Variants in BBS9 observed in about 807,000 individuals in gnomAD.
BBS9 encodes the protein protein PTHB1.
In BBS9, 89 loss-of-function variants were observed where a neutral mutation model predicts 117.7. The ratio of observed to expected loss-of-function variants is 0.76; its 90% CI spans 0.64 to 0.90. The LOEUF (loss-of-function observed/expected upper bound fraction) is 0.90, where lower values mean the gene tolerates loss of function less well. Ranked by LOEUF, BBS9 falls within the 40% of genes least tolerant of loss-of-function variation. The probability of loss-of-function intolerance (pLI) is 0.00; values close to 1 mark genes in which losing one functional copy is unlikely to be tolerated. For missense variants in BBS9, 982 were observed against 1,042.2 expected, an observed-to-expected ratio of 0.94 and a Z score of 0.80; for synonymous variants, 379 against 370.9, an observed-to-expected ratio of 1.02 and a Z score of -0.25.
chr7:33,434,660 C>A (rs1279521259), intron 19 of BBS9, among the ~76,000 whole-genome samples: 1 of 152,148 alleles, frequency 6.6e-6, no homozygotes, highest in Non-Finnish European at 1.5e-5. Context: ...TGTGTTTCAC[C>A]TGTGTTTTTA....
intron 5 of BBS9, among the ~76,000 whole-genome samples, chr7:33,190,256 T>A (rs930035075): frequency 6.6e-6 from 1 of 151,588 alleles, no homozygotes; most frequent in Non-Finnish European, 1.5e-5. Flanking sequence ...AGCAGCTGGG[T>A]CCACAGGCAC....
intron 21 of BBS9, among the ~76,000 whole-genome samples, chr7:33,615,403 T>G (rs1344218796): frequency 6.6e-6 from 1 of 151,940 alleles, no homozygotes; most frequent in African/African-American, 2.4e-5. Context: ...TGATGAAAAT[T>G]CTAAGAATTA....
intron 19 of BBS9, among the ~76,000 whole-genome samples, chr7:33,501,784 T>A (rs1020357511): frequency 6.6e-6 from 1 of 152,244 alleles, no homozygotes; most frequent in Non-Finnish European, 1.5e-5. Flanking sequence ...CAGAATACTC[T>A]GTGGCTCCCC....
chr7:33,341,629 A>G (rs1816583295), intron 11 of BBS9, among the ~76,000 whole-genome samples: 1 of 24,780 alleles, frequency 4.0e-5, no homozygotes, highest in African/African-American at 1.5e-4. Flanking sequence ...ACTTCTTTCT[A>G]CATTATAATA....
intron 20 of BBS9, among the ~76,000 whole-genome samples, chr7:33,527,589 C>A (rs1176670452): frequency 6.6e-6 from 1 of 152,230 alleles, no homozygotes; most frequent in African/African-American, 2.4e-5. Flanking sequence ...TGAGGCAATG[C>A]CTCGCCCTGC....
chr7:33,575,974 C>T (rs1055307420), intron 21 of BBS9, among the ~76,000 whole-genome samples: 4 of 152,150 alleles, frequency 2.6e-5, no homozygotes, highest in African/African-American at 9.7e-5. Flanking sequence ...AAACTGGAAG[C>T]ATACCCTTTG....
chr7:33,389,273 G>C (rs1826584223), intron 19 of BBS9, among the ~76,000 whole-genome samples: 1 of 152,010 alleles, frequency 6.6e-6, no homozygotes, highest in Non-Finnish European at 1.5e-5. Flanking sequence ...CTTCTCCCCT[G>C]CCCCACTCCA....
At chr7:33,528,069 C>G (rs1424605258) in intron 20 of BBS9, among the ~76,000 whole-genome samples, 1 of 152,150 alleles carries the variant, frequency 6.6e-6, no homozygotes, top group Non-Finnish European at 1.5e-5. Flanking sequence ...CAATATGATA[C>G]AAAGTAATAA....
chr7:33,413,802 AC>A (rs2128830333), intron 19 of BBS9, among the ~76,000 whole-genome samples: 1 of 152,196 alleles, frequency 6.6e-6, no homozygotes, highest in East Asian at 1.9e-4. Flanking sequence ...CAGGCAGATC[AC>A]CTGAGGTCAG....
intron 4 of BBS9, among the ~76,000 whole-genome samples, chr7:33,176,819 T>C (rs1797393601): frequency 6.6e-6 from 1 of 152,168 alleles, no homozygotes; most frequent in Admixed American, 6.6e-5. Flanking sequence ...ATAATGTTCT[T>C]GCTCTATATG....
chr7:33,385,480 A>G (rs1322828696), intron 18 of BBS9, among the ~76,000 whole-genome samples: 2 of 152,230 alleles, frequency 1.3e-5, no homozygotes, highest in African/African-American at 4.8e-5. Flanking sequence ...TTTAATTTCT[A>G]GTGCCTGGAC....
intron 2 of BBS9, 103 bp downstream of exon 2, chr7:33,146,467 C>T (rs765934279): frequency 1.1e-5 from 10 of 912,518 alleles, no homozygotes; most frequent in Admixed American, 7.1e-5. Flanking sequence ...TTTGGGAGGC[C>T]GACGTGGGCA....
At chr7:33,501,054 T>C (rs1845375827) in intron 19 of BBS9, among the ~76,000 whole-genome samples, 1 of 152,222 alleles carries the variant, frequency 6.6e-6, no homozygotes, top group Non-Finnish European at 1.5e-5. Context: ...TCTGTAGTTC[T>C]GTTGAACACT....
chr7:33,298,113 T>C (rs1188597168), intron 9 of BBS9, among the ~76,000 whole-genome samples: 1 of 152,158 alleles, frequency 6.6e-6, no homozygotes, highest in East Asian at 1.9e-4. Flanking sequence ...AGTAATGTCA[T>C]GGTTCAGGAA....
Position 33,499,782 on chromosome 7 carries a change from G to A in BBS9, c.2116-5681G>A, listed in dbSNP as rs562314777. Among the ~76,000 whole-genome samples, 33 of 152,214 alleles carry A rather than the reference G, an allele frequency of 2.2e-4. 1 individual carries two copies. The highest frequency in any genetic ancestry group is 7.0e-4 in the African/African-American group (29 of 41,542). ...ATAATAGTATATACCTCACAGTATT[G>A]TTTTTATAATTAAGTGAGATTATTT... On this transcript the variant is annotated intron_variant, in intron 19 of 22. Coordinates refer to ENST00000242067, the MANE Select transcript of BBS9 (RefSeq NM_198428.3).
chr7:33,501,403 T>C (rs1054032672), intron 19 of BBS9, among the ~76,000 whole-genome samples: 20 of 152,208 alleles, frequency 1.3e-4, no homozygotes, highest in African/African-American at 4.8e-4. Context: ...AGGAATTGTT[T>C]ATCCCATTTC....
At chr7:33,475,280 G>A (rs1296663001) in intron 19 of BBS9, among the ~76,000 whole-genome samples, 1 of 152,190 alleles carries the variant, frequency 6.6e-6, no homozygotes, top group Non-Finnish European at 1.5e-5. Context: ...AGAAGCAGGT[G>A]GTAAGCCCAT....
intron 19 of BBS9, among the ~76,000 whole-genome samples, chr7:33,407,254 T>G (rs1830196833): frequency 6.6e-6 from 1 of 152,244 alleles, no homozygotes; most frequent in Non-Finnish European, 1.5e-5. Context: ...CATTCTTCAC[T>G]TAGTTCTCAA....
intron 5 of BBS9, among the ~76,000 whole-genome samples, chr7:33,220,934 CA>C (rs1182352489): frequency 1.3e-5 from 2 of 152,202 alleles, no homozygotes; most frequent in East Asian, 1.9e-4. Flanking sequence ...TTTACAACTA[CA>C]AAATTAAAGC....
Sources: gnomAD v4.1 joint callset for allele counts (sites outside exome capture counted in the v4.1 genomes callset) on GRCh38, gnomAD v4.1.1 for gene constraint, MANE v1.5 for transcripts, NCBI Gene and HGNC (gene_info 2026-07-23, HGNC 2026-07-21) for gene names.